The following LRRC8E variants were observed in gnomAD, a reference collection of about 807,000 sequenced individuals.
The protein encoded by LRRC8E is volume-regulated anion channel subunit LRRC8E.
A neutral mutation model predicts 6.1 loss-of-function variants in LRRC8E; 6 were observed. That is an observed-to-expected ratio of 0.98 (90% CI 0.54 to 1.93). LRRC8E has a LOEUF of 1.93. Ranked by LOEUF, LRRC8E falls within the 30% of genes most tolerant of loss-of-function variation. The pLI, the probability that LRRC8E is intolerant of heterozygous loss-of-function variation, is 0.01. For missense variants in LRRC8E, 1,028 were observed against 1,031.4 expected (o/e 1.00, Z 0.04); for synonymous variants, 485 against 472.8 (o/e 1.03, Z -0.33).
At chr19:7,892,237 T>A (rs1981353550) in intron 1 of LRRC8E, among the ~76,000 whole-genome samples, 1 of 151,476 alleles carries the variant, frequency 6.6e-6, no homozygotes, top group African/African-American at 2.4e-5. Context: ...TATGCCCGGC[T>A]AATTTTTTGT....
At chr19:7,888,636 G>C (rs1333472455) in intron 1 of LRRC8E, 36 bp downstream of exon 1, 2 of 152,300 alleles carry the variant, frequency 1.3e-5, no homozygotes, top group Non-Finnish European at 2.9e-5. Context: ...GACACCCCAC[G>C]AGGTGGCAGG....
rs1275732751 is a variant in LRRC8E at position 7,900,581 on chromosome 19, G to C, written c.2059G>C (p.Gly687Arg). The C allele has an allele frequency of 1.2e-6, 2 of 1,613,234 alleles. No homozygotes were observed. ...GLRLLDVSHN[G>R]LHSLPPEVGL... is the part of the protein sequence containing the mutation. ...CCGTCTGCTGGATGTGTCCCACAATGGGCTACACTCCCTGCCACCCGAGGT... is the reference window on the plus strand; with the variant it reads ...CCGTCTGCTGGATGTGTCCCACAATCGGCTACACTCCCTGCCACCCGAGGT... Residue 687 changes from glycine to arginine, a missense_variant, in exon 3 of 3, where the codon GGG becomes CGG. By Grantham distance (125) the Gly-to-Arg change is moderately radical. Coordinates refer to ENST00000306708, the MANE Select transcript of LRRC8E (RefSeq NM_025061.6). This position sits in a 1 kb window ranked among gnomAD's most constrained non-coding sequence, Gnocchi z 5.0.
intron 1 of LRRC8E, among the ~76,000 whole-genome samples, chr19:7,889,617 C>T (rs2145091443): frequency 6.6e-6 from 1 of 152,012 alleles, no homozygotes; most frequent in African/African-American, 2.4e-5. Context: ...GTAGCACGCA[C>T]CTGTGGTCCC....
In LRRC8E at chr19:7,893,499, T is replaced by G. The variant is rs542024150; in HGVS notation, c.-5-2100T>G. The G allele has an allele frequency of 4.0e-5, 6 of 150,940 alleles. No individual in the cohort carries two copies. In the East Asian group the frequency reaches 1.2e-3, roughly 29 times the overall value. The allele number at this position is 150,940 out of a possible 1,614,324, so 9.4% of individuals were successfully genotyped here. ...CCTGTGCTCTGGGCACCCCCTTGCA[T>G]GGATCTGGGTCTGGGTGAGTCACTG... On this transcript the variant is annotated intron_variant, in intron 1 of 2. Transcript: ENST00000306708.
chr19:7,898,304 G>A (rs1253791227), intron 2 of LRRC8E, among the ~76,000 whole-genome samples: 4 of 151,548 alleles, frequency 2.6e-5, no homozygotes, highest in Non-Finnish European at 5.9e-5. Flanking sequence ...GGGGGGTGCG[G>A]GGGGTCTCCC....
chr19:7,901,622 AATCC>A lies in LRRC8E; in HGVS notation c.*710_*713del, dbSNP rs780361726. 6.6e-6 allele frequency: 1 copy of A among 151,880 alleles called. No homozygotes were observed. The highest frequency in any genetic ancestry group is 6.6e-5 in the Admixed American group (1 of 15,222). 9.4% of individuals were successfully genotyped at this position (151,880 alleles called of 1,614,324 possible). A position where few individuals can be genotyped will look rare whatever the true frequency, so the allele number is the denominator to read the frequency against. On this transcript the variant is annotated 3_prime_UTR_variant, in exon 3 of 3. Coordinates refer to ENST00000306708, the MANE Select transcript of LRRC8E (RefSeq NM_025061.6). ...GCCGGGCGCTGTGGCTCATGACTAT[AATCC>A]CAGCTGTTTGAGAGGCCAATGCAGG...
chr19:7,891,457 G>A (rs1035848313), intron 1 of LRRC8E, among the ~76,000 whole-genome samples: 2 of 152,058 alleles, frequency 1.3e-5, no homozygotes, highest in Non-Finnish European at 2.9e-5. Context: ...CTGCGATTGT[G>A]CACCTGGGAT....
chr19:7,889,910 C>T (rs1981217014), intron 1 of LRRC8E, among the ~76,000 whole-genome samples: 2 of 151,970 alleles, frequency 1.3e-5, no homozygotes, highest in Admixed American at 1.3e-4. Flanking sequence ...GCACCATACC[C>T]AGCTAATCTT....
rs531511272 is a variant in LRRC8E at position 7,893,110 on chromosome 19, G to A, written c.-5-2489G>A. Among the ~76,000 whole-genome samples the A allele has an allele frequency of 2.9e-4, 44 of 152,178 alleles. No individual in the cohort carries two copies. The South Asian group carries it at 3.7e-3, about 13-fold the overall frequency. Reference sequence around the variant, plus strand: ...CAACCTCTGCCTCCCAGGTTCAAGCGATCCTCCTGCCTCAGCCTCCCTAGT... The same window carrying A: ...CAACCTCTGCCTCCCAGGTTCAAGCAATCCTCCTGCCTCAGCCTCCCTAGT... On this transcript the variant is annotated intron_variant, in intron 1 of 2. Transcript: ENST00000306708.
chr19:7,896,233 C>A (rs1981583606), intron 2 of LRRC8E, among the ~76,000 whole-genome samples: 1 of 151,242 alleles, frequency 6.6e-6, no homozygotes, highest in Non-Finnish European at 1.5e-5. Flanking sequence ...AGGCACTGCA[C>A]CTGACCCTTT....
At position 7,897,538 on chromosome 19, in the gene LRRC8E, C is replaced by T. The variant is rs574612074; in HGVS notation, c.139-1123C>T. ...TGTCACCTAGGCTGGAGTGCAGTGG[C>T]GCAATAATAGCTCACTGTAACCTTG... is the stretch of plus-strand genomic sequence containing the variant. On this transcript the variant is annotated intron_variant, in intron 2 of 2. Coordinates refer to ENST00000306708, the MANE Select transcript of LRRC8E (RefSeq NM_025061.6). 3.5e-3 allele frequency among the ~76,000 whole-genome samples: 504 copies of T among 144,888 alleles called. 3 individuals carry two copies. Among genetic ancestry groups the T allele is most frequent in the African/African-American group, 0.012 (480 of 38,882 alleles).
rs1262696400 is a variant in LRRC8E, at chr19:7,900,943, C to T, written c.*30C>T. On this transcript the variant is annotated 3_prime_UTR_variant, in exon 3 of 3. Coordinates refer to ENST00000306708, the MANE Select transcript of LRRC8E (RefSeq NM_025061.6). The surrounding 1 kb of genome is among the most constrained non-coding windows in gnomAD (Gnocchi z 5.0). Reference sequence around the variant, plus strand: ...GGGGTGGGGCCGTTTTAGGTAGAGCCTTAAAAATGCTTCTGCCCTGGAATC... The same window carrying T: ...GGGGTGGGGCCGTTTTAGGTAGAGCTTTAAAAATGCTTCTGCCCTGGAATC... The T allele has an allele frequency of 1.4e-6, 2 of 1,467,300 alleles. No homozygotes were observed. The highest frequency in any genetic ancestry group is 1.8e-6 in the Non-Finnish European group (2 of 1,102,880). The allele number at this position is 1,467,300 out of a possible 1,614,324, so 90.9% of individuals were successfully genotyped here. A position where few individuals can be genotyped will look rare whatever the true frequency, so the allele number is the denominator to read the frequency against.
chr19:7,900,387 A>C lies in LRRC8E; in HGVS notation c.1865A>C (p.Glu622Ala), dbSNP rs922104442. The change falls in exon 3 of 3, where the codon GAA (glutamate) becomes GCA (alanine). Residue 622 changes from glutamate to alanine, a missense_variant. Coordinates refer to ENST00000306708, the MANE Select transcript of LRRC8E (RefSeq NM_025061.6). The surrounding 1 kb of genome is among the most constrained non-coding windows in gnomAD (Gnocchi z 5.0). ...GACAACCACCTGCGCTCCATCGAGG[A>C]AATCCTCAGCTTCCAGCACTGCCGG... ...LKDNHLRSIEEILSFQHCRKL... is the reference protein window; with the variant it reads ...LKDNHLRSIEAILSFQHCRKL... 6.2e-7 allele frequency: 1 copy of C among 1,612,784 alleles called. No individual in the cohort carries two copies. Among genetic ancestry groups the C allele is most frequent in the Non-Finnish European group, 8.5e-7 (1 of 1,179,852 alleles).
In LRRC8E at chr19:7,898,960, T is replaced by C; in HGVS notation, c.438T>C (p.Ile146=). 1 of 1,614,182 alleles carries C rather than the reference T, an allele frequency of 6.2e-7. No homozygotes were observed. The highest frequency in any genetic ancestry group is 8.5e-7 in the Non-Finnish European group (1 of 1,180,040). Residue 146 remains isoleucine, a synonymous_variant, in exon 3 of 3, where the codon ATT becomes ATC. Coordinates refer to ENST00000306708, the MANE Select transcript of LRRC8E (RefSeq NM_025061.6). Reference sequence around the variant, plus strand: ...AGTTCCCTGGCACCAGCTCCAAGATTGAACACTTCATCTCCATCCTGGGCA... The same window carrying C: ...AGTTCCCTGGCACCAGCTCCAAGATCGAACACTTCATCTCCATCCTGGGCA... ...WFKFPGTSSK[I]EHFISILGKC...
rs768429275 is a variant in LRRC8E, at chr19:7,899,665, C to T, written c.1143C>T (p.Phe381=). ...DQYDSLYSKR[F]AVFLSEVSES... ...ACGACTCCCTCTACTCCAAGCGCTT[C>T]GCCGTCTTCCTGTCCGAGGTCAGCG... Residue 381 remains phenylalanine, a synonymous_variant, in exon 3 of 3, where the codon TTC becomes TTT. Coordinates refer to ENST00000306708, the MANE Select transcript of LRRC8E (RefSeq NM_025061.6). 26 of 1,613,750 alleles carry T rather than the reference C, an allele frequency of 1.6e-5. No homozygotes were observed. Among genetic ancestry groups the T allele is most frequent in the Admixed American group, 1.3e-4 (8 of 60,022 alleles).
Position 7,900,448 on chromosome 19 carries a change from C to G in LRRC8E, c.1926C>G (p.Ile642Met), listed in dbSNP as rs374715506. ...LVTLRLWHNQ[I>M]AYVPEHVRKL... ...CGCTCAGGCTGTGGCACAACCAGAT[C>G]GCCTACGTCCCTGAGCACGTGCGGA... Residue 642 changes from isoleucine to methionine, a missense_variant, in exon 3 of 3, where the codon ATC becomes ATG. Transcript: ENST00000306708. The surrounding 1 kb of genome is among the most constrained non-coding windows in gnomAD (Gnocchi z 5.0). The G allele has an allele frequency of 6.2e-7, 1 of 1,612,946 alleles. No homozygotes were observed. Among genetic ancestry groups the G allele is most frequent in the Non-Finnish European group, 8.5e-7 (1 of 1,179,956 alleles).
At chr19:7,897,360 GA>G (rs1981651812) in intron 2 of LRRC8E, among the ~76,000 whole-genome samples, 1 of 151,808 alleles carries the variant, frequency 6.6e-6, no homozygotes, top group South Asian at 2.1e-4. Context: ...TTTTAGTAGA[GA>G]CGTGGTTTCA....
chr19:7,897,178 C>CT (rs917998429), intron 2 of LRRC8E, among the ~76,000 whole-genome samples: 38 of 147,166 alleles, frequency 2.6e-4, no homozygotes, highest in African/African-American at 6.3e-4. Context: ...TTTTCTTTTT[C>CT]TTTTTTTTTT....
rs559696629 is a variant in LRRC8E, at chr19:7,899,744, C to T, written c.1222C>T (p.Arg408Ter). 35 of 1,612,080 alleles carry T rather than the reference C, an allele frequency of 2.2e-5. No homozygotes were observed. In the South Asian group the frequency reaches 2.6e-4, roughly 12 times the overall value. Residue 408 changes from arginine (R) to a stop codon, truncating the protein, a stop_gained, in exon 3 of 3, where the codon CGA becomes TGA. Coordinates refer to ENST00000306708, the MANE Select transcript of LRRC8E (RefSeq NM_025061.6). LOFTEE classifies it low-confidence loss of function (END_TRUNC). Reference protein sequence around the residue: ...LNHEWTPEKLRQKLQRNAAGR... With the variant: ...LNHEWTPEKL ...CCACGAGTGGACGCCCGAGAAGCTT[C>T]GACAGAAGCTGCAGCGCAATGCCGC... is the stretch of plus-strand genomic sequence containing the variant.
Sources: gnomAD v4.1 joint callset for allele counts (sites outside exome capture counted in the v4.1 genomes callset) on GRCh38, gnomAD v4.1.1 for gene constraint, Gnocchi (gnomAD v3.1) non-coding constraint, MANE v1.5 for transcripts, NCBI Gene and HGNC (gene_info 2026-07-23, HGNC 2026-07-21) for gene names.